Variants in INSL6 observed in about 807,000 individuals in gnomAD.
INSL6 encodes insulin-like peptide INSL6.
INSL6 carries 16 observed loss-of-function variants against 9.4 expected under a neutral mutation model. That is an observed-to-expected ratio of 1.70 (90% CI 1.15 to 2.59). INSL6 has a LOEUF of 2.59. Ranked by LOEUF, INSL6 falls within the 30% of genes most tolerant of loss-of-function variation. The pLI is 0.00. For synonymous variants in INSL6, 154 were observed against 96.9 expected, an observed-to-expected ratio of 1.59 and a Z score of -3.46; for missense variants, 391 against 257.3, an observed-to-expected ratio of 1.52 and a Z score of -3.56.
intron 3 of INSL6, chr9:5,126,654 T>C (rs1824018286): frequency 2.0e-6 from 3 of 1,488,340 alleles, no homozygotes; most frequent in African/African-American, 1.4e-5. Context: ...TTAGTGTTCA[T>C]TTAATTTTGG....
chr9:5,088,961 A>C, the INSL6 span, among the ~76,000 whole-genome samples: 1 of 152,252 alleles, frequency 6.6e-6, no homozygotes, highest in African/African-American at 2.4e-5. Context: ...CATTTAGCCC[A>C]TAACAGACAC....
At chr9:5,077,572 C>A in the INSL6 span, 1 of 1,480,308 alleles carries the variant, frequency 6.8e-7, no homozygotes, top group Middle Eastern at 2.1e-4. Context: ...ATGGGCCATG[C>A]ATTTTCTAGT....
the INSL6 span, among the ~76,000 whole-genome samples, chr9:5,037,124 C>T: frequency 2.6e-5 from 4 of 152,162 alleles, no homozygotes; most frequent in Non-Finnish European, 5.9e-5. Flanking sequence ...CACCACTGGC[C>T]ATCAGAGAAA....
At chr9:5,080,690 A>G in the INSL6 span, 9 of 1,542,834 alleles carry the variant, frequency 5.8e-6, no homozygotes, top group Admixed American at 2.2e-5. Context: ...CCAGGTATGT[A>G]TTTGAATGAT....
chr9:5,138,769 A>G (rs1824433818), intron 2 of INSL6, among the ~76,000 whole-genome samples: 1 of 152,182 alleles, frequency 6.6e-6, no homozygotes, highest in Non-Finnish European at 1.5e-5. Flanking sequence ...CACTGATTTA[A>G]TATCTAAAAA....
the INSL6 span, among the ~76,000 whole-genome samples, chr9:5,026,918 A>C: frequency 1.1e-4 from 16 of 152,372 alleles, no homozygotes; most frequent in East Asian, 3.1e-3. Flanking sequence ...ATTGTAAATT[A>C]AAATAGCCCA....
the INSL6 span, chr9:5,100,366 C>T: frequency 6.6e-6 from 1 of 152,186 alleles, no homozygotes; most frequent in Non-Finnish European, 1.5e-5. Flanking sequence ...ACTCTTTTAA[C>T]CCTAGGCCTA....
At chr9:5,168,710 C>G (rs1825113257) in intron 1 of INSL6, among the ~76,000 whole-genome samples, 1 of 152,072 alleles carries the variant, frequency 6.6e-6, no homozygotes, top group Non-Finnish European at 1.5e-5. Context: ...GGCCAAAATT[C>G]AAATTCAGGA....
the INSL6 span, among the ~76,000 whole-genome samples, chr9:5,034,328 T>C: frequency 2.6e-5 from 4 of 152,126 alleles, no homozygotes; most frequent in African/African-American, 7.2e-5. Context: ...ATTAGACAGA[T>C]CAACAAGACA....
chr9:5,178,048 G>C (rs1361111378), intron 1 of INSL6, among the ~76,000 whole-genome samples: 1 of 152,084 alleles, frequency 6.6e-6, no homozygotes, highest in African/African-American at 2.4e-5. Context: ...GCTAATTTTT[G>C]TATTTTTAGT....
the INSL6 span, among the ~76,000 whole-genome samples, chr9:5,081,393 G>C: frequency 1.3e-5 from 2 of 152,022 alleles, no homozygotes; most frequent in Non-Finnish European, 2.9e-5. Flanking sequence ...ATACTGAGCT[G>C]AAATGCATGT....
chr9:5,116,855 T>G, the INSL6 span, among the ~76,000 whole-genome samples: 1 of 152,230 alleles, frequency 6.6e-6, no homozygotes, highest in African/African-American at 2.4e-5. Context: ...AATATGGCAC[T>G]TTCAATAATT....
At chr9:5,180,271 C>T (rs936162170) in intron 1 of INSL6, among the ~76,000 whole-genome samples, 13 of 152,120 alleles carry the variant, frequency 8.5e-5, no homozygotes, top group African/African-American at 1.7e-4. Context: ...GTTAACTGTA[C>T]AAATTGATTG....
chr9:5,168,581 C>G (rs1825108421), intron 1 of INSL6, among the ~76,000 whole-genome samples: 1 of 151,914 alleles, frequency 6.6e-6, no homozygotes, highest in South Asian at 2.1e-4. Context: ...ATGGGATTAT[C>G]TTACAAGACT....
chr9:5,054,881 A>G, the INSL6 span: 1 of 1,584,028 alleles, frequency 6.3e-7, no homozygotes, highest in Non-Finnish European at 8.6e-7. The surrounding 1 kb of genome is among the most constrained non-coding windows in gnomAD (Gnocchi z 4.9). Context: ...CACTGACAGA[A>G]CAGGTAATCC....
the INSL6 span, among the ~76,000 whole-genome samples, chr9:5,047,323 C>T: frequency 6.6e-6 from 1 of 152,054 alleles, no homozygotes; most frequent in Non-Finnish European, 1.5e-5. Context: ...CTTTAAAGTT[C>T]TTAAGACAGT....
chr9:5,120,279 A>G (rs1823515413), downstream of INSL6, among the ~76,000 whole-genome samples: 1 of 152,216 alleles, frequency 6.6e-6, no homozygotes, highest in Non-Finnish European at 1.5e-5. Flanking sequence ...AGAAGCCCTC[A>G]TGGCGTAATC....
chr9:4,997,591 C>G, the INSL6 span, among the ~76,000 whole-genome samples: 3 of 152,186 alleles, frequency 2.0e-5, no homozygotes, highest in African/African-American at 7.2e-5. Context: ...TCACCTCCAA[C>G]ATTGGGGATT....
the INSL6 span, among the ~76,000 whole-genome samples, chr9:5,084,252 A>T: frequency 6.6e-6 from 1 of 152,096 alleles, no homozygotes; most frequent in East Asian, 1.9e-4. Context: ...TTTAATGTGG[A>T]TATTTCCTAT....
Sources: allele counts gnomAD v4.1 joint callset (sites outside exome capture counted in the v4.1 genomes callset), GRCh38; gene constraint gnomAD v4.1.1; non-coding constraint Gnocchi (gnomAD v3.1); transcripts MANE v1.5; gene names NCBI Gene and HGNC (gene_info 2026-07-23, HGNC 2026-07-21).